FRAS1: variants seen among roughly 807,000 people sequenced by gnomAD.
The protein encoded by FRAS1 is extracellular matrix organizing protein FRAS1.
FRAS1 carries 290 observed loss-of-function variants against 435.2 expected under a neutral mutation model. That is an observed-to-expected ratio of 0.67 (90% CI 0.61 to 0.73). FRAS1 has a LOEUF of 0.73. FRAS1 is among the 30% of genes least tolerant of loss of function. The probability of loss-of-function intolerance (pLI) is 0.00; values close to 1 mark genes in which losing one functional copy is unlikely to be tolerated. For synonymous variants in FRAS1, 1,800 were observed against 1,851.0 expected, an observed-to-expected ratio of 0.97 and a Z score of 0.71; for missense variants, 4,860 against 5,001.5, an observed-to-expected ratio of 0.97 and a Z score of 0.85.
At chr4:78,161,081 G>T (rs905155714) in intron 2 of FRAS1, among the ~76,000 whole-genome samples, 14 of 152,028 alleles carry the variant, frequency 9.2e-5, no homozygotes, top group African/African-American at 3.4e-4. Flanking sequence ...AGATGTTATA[G>T]TGAGCTGAGA....
intron 2 of FRAS1, among the ~76,000 whole-genome samples, chr4:78,154,471 T>A (rs965615853): frequency 6.6e-6 from 1 of 152,200 alleles, no homozygotes; most frequent in Admixed American, 6.5e-5. Context: ...TTTAAGGAAC[T>A]GTCATATACC....
At chr4:78,115,967 A>C (rs1743139292) in intron 2 of FRAS1, among the ~76,000 whole-genome samples, 1 of 152,138 alleles carries the variant, frequency 6.6e-6, no homozygotes, top group East Asian at 1.9e-4. Context: ...GTGGACATTT[A>C]GTGCTATAAA....
intron 9 of FRAS1, among the ~76,000 whole-genome samples, chr4:78,274,686 G>C (rs569891082): frequency 6.6e-6 from 1 of 152,130 alleles, no homozygotes; most frequent in Non-Finnish European, 1.5e-5. Context: ...GAGACAGTTT[G>C]TTATCATTTC....
At chr4:78,287,613 C>G (rs1727672188) in intron 14 of FRAS1, among the ~76,000 whole-genome samples, 1 of 152,132 alleles carries the variant, frequency 6.6e-6, no homozygotes. Context: ...ATGCTCCTTT[C>G]TTTCACACCC....
intron 20 of FRAS1, among the ~76,000 whole-genome samples, chr4:78,362,961 T>C (rs1025737042): frequency 2.6e-5 from 4 of 152,272 alleles, no homozygotes; most frequent in African/African-American, 2.4e-5. Flanking sequence ...AAAGAACCAA[T>C]TGGGAGAGGG....
intron 2 of FRAS1, among the ~76,000 whole-genome samples, chr4:78,230,786 A>G (rs1249958325): frequency 6.6e-6 from 1 of 152,164 alleles, no homozygotes; most frequent in Middle Eastern, 3.2e-3. Context: ...AGGTTTGGGG[A>G]TAGCTCAGGA....
intron 61 of FRAS1, among the ~76,000 whole-genome samples, chr4:78,502,926 A>G (rs1014046457): frequency 6.6e-6 from 1 of 152,062 alleles, no homozygotes; most frequent in African/African-American, 2.4e-5. Context: ...TAGCATGAAG[A>G]GCTGTTGAAT....
In FRAS1 at chr4:78,129,041, G is replaced by T. The variant is rs558348258; in HGVS notation, c.108+63025G>T. 7.6e-4 allele frequency among the ~76,000 whole-genome samples: 115 copies of T among 152,104 alleles called. 3 individuals carry two copies. The highest frequency in any genetic ancestry group is 1.8e-4 in the Non-Finnish European group (12 of 68,028). On this transcript the variant is annotated intron_variant, in intron 2 of 73. Transcript: ENST00000512123. ...TTTCCCCATTGCTTGTTTTTCTCAG[G>T]TTTGTCAAAGATCAGATAGTTGTAG...
chr4:78,419,111 G>A (rs778344632), intron 33 of FRAS1, 48 bp downstream of exon 33: 4 of 1,078,134 alleles, frequency 3.7e-6, no homozygotes, highest in Non-Finnish European at 5.3e-6. Context: ...TTATCTTCTA[G>A]TTTTTTACCA....
chr4:78,356,577 A>T (rs1475613284), intron 20 of FRAS1, among the ~76,000 whole-genome samples: 2 of 152,014 alleles, frequency 1.3e-5, no homozygotes, highest in East Asian at 3.9e-4. Context: ...TAATATGCCT[A>T]CTCCAGCATA....
rs115271722 is a variant in FRAS1, at chr4:78,527,922, G to A, written c.10925+1265G>A. Among the ~76,000 whole-genome samples, 995 of 152,212 alleles carry A rather than the reference G, an allele frequency of 6.5e-3. 14 individuals are homozygous for A. Among genetic ancestry groups the A allele is most frequent in the African/African-American group, 0.022 (926 of 41,510 alleles). On this transcript the variant is annotated intron_variant, in intron 70 of 73. Coordinates refer to ENST00000512123, the MANE Select transcript of FRAS1 (RefSeq NM_025074.7). ...CTTGCAGAGCCAGATATTTGAGCGG[G>A]GCAAGGGAGTAGATCCAGGGCATGA...
At chr4:78,069,676 G>A (rs1740236316) in intron 2 of FRAS1, among the ~76,000 whole-genome samples, 1 of 152,090 alleles carries the variant, frequency 6.6e-6, no homozygotes. Context: ...TGCATGGCAT[G>A]TGCTTTTCTG....
At chr4:78,126,984 A>T (rs1054920162) in intron 2 of FRAS1, among the ~76,000 whole-genome samples, 1 of 152,252 alleles carries the variant, frequency 6.6e-6, no homozygotes, top group East Asian at 1.9e-4. Flanking sequence ...GAAAATATTT[A>T]TTAAGCCTCT....
chr4:78,199,922 A>C (rs1280654741), intron 2 of FRAS1, among the ~76,000 whole-genome samples: 1 of 152,262 alleles, frequency 6.6e-6, no homozygotes, highest in East Asian at 1.9e-4. Context: ...AAATCATAAA[A>C]GTAGTGGGGA....
intron 12 of FRAS1, among the ~76,000 whole-genome samples, chr4:78,283,872 C>G (rs995251256): frequency 1.3e-5 from 2 of 152,112 alleles, no homozygotes; most frequent in South Asian, 4.1e-4. Flanking sequence ...AAAGAAGTCC[C>G]TTGCTGATAA....
chr4:78,276,261 C>T (rs1727026906), intron 9 of FRAS1, among the ~76,000 whole-genome samples: 1 of 152,230 alleles, frequency 6.6e-6, no homozygotes, highest in Non-Finnish European at 1.5e-5. Context: ...TGGATTTGAA[C>T]TCCCTCCTTT....
chr4:78,245,980 C>CA (rs1725224346), intron 4 of FRAS1, among the ~76,000 whole-genome samples: 1 of 152,128 alleles, frequency 6.6e-6, no homozygotes, highest in Non-Finnish European at 1.5e-5. Flanking sequence ...CCCTTGGGGG[C>CA]AAAATGCTCA....
At chr4:78,279,154 G>T (rs2110175674) in intron 10 of FRAS1, among the ~76,000 whole-genome samples, 1 of 152,334 alleles carries the variant, frequency 6.6e-6, no homozygotes, top group South Asian at 2.1e-4. Flanking sequence ...AAGGGAGGGA[G>T]CCGCATGAAT....
intron 20 of FRAS1, among the ~76,000 whole-genome samples, chr4:78,356,007 T>C (rs1353554838): frequency 1.3e-5 from 2 of 152,202 alleles, no homozygotes; most frequent in African/African-American, 2.4e-5. Context: ...AATATGCCCA[T>C]AGACTTTACT....
Sources: allele counts gnomAD v4.1 joint callset (sites outside exome capture counted in the v4.1 genomes callset), GRCh38; gene constraint gnomAD v4.1.1; transcripts MANE v1.5; gene names NCBI Gene and HGNC (gene_info 2026-07-23, HGNC 2026-07-21).